Variants in IL1RAPL1 observed in about 807,000 individuals in gnomAD.
IL1RAPL1 encodes the protein interleukin-1 receptor accessory protein-like 1.
A neutral mutation model predicts 48.4 loss-of-function variants in IL1RAPL1; 3 were observed. The ratio of observed to expected loss-of-function variants is 0.06; its 90% CI spans 0.03 to 0.16. IL1RAPL1 has a LOEUF of 0.16. IL1RAPL1 is among the 10% of genes least tolerant of loss of function. The probability of loss-of-function intolerance (pLI) is 1.00; values close to 1 mark genes in which losing one functional copy is unlikely to be tolerated. For synonymous variants in IL1RAPL1, 185 were observed against 187.7 expected, an observed-to-expected ratio of 0.99 and a Z score of 0.12; for missense variants, 349 against 530.6, an observed-to-expected ratio of 0.66 and a Z score of 3.36.
At chrX:29,783,700 CA>C (rs1374538830) in intron 6 of IL1RAPL1, among the ~76,000 whole-genome samples, 1 of 111,766 alleles carries the variant, frequency 8.9e-6, no homozygotes, top group Non-Finnish European at 1.9e-5. Flanking sequence ...GTATTTGAAC[CA>C]AAAGTTATTT....
At chrX:28,881,019 T>C (rs1922489425) in intron 2 of IL1RAPL1, among the ~76,000 whole-genome samples, 1 of 111,639 alleles carries the variant, frequency 9.0e-6, no homozygotes, top group African/African-American at 3.3e-5. Context: ...TTTTACCTTT[T>C]CTGAAAATTA....
intron 6 of IL1RAPL1, among the ~76,000 whole-genome samples, chrX:29,717,507 G>T (rs1927517619): frequency 8.9e-6 from 1 of 112,177 alleles, no homozygotes; most frequent in Admixed American, 9.4e-5. Flanking sequence ...GCTGAAGAAA[G>T]AATAATTCTG....
At position 29,705,035 on chromosome X, in the gene IL1RAPL1, ACCCTATATAGCCT is replaced by A. The variant is rs1032470931; in HGVS notation, c.778+36534_778+36546del. Among the ~76,000 whole-genome samples the A allele has an allele frequency of 1.3e-4, 14 of 111,395 alleles. No homozygotes were observed. In the Admixed American group the frequency reaches 1.3e-3, roughly 11 times the overall value. On this transcript the variant is annotated intron_variant, in intron 6 of 10. Transcript: ENST00000378993. ...CCTTCAGCCAAATAGTGAGCATTGT[ACCCTATATAGCCT>A]CCACATATTAAATTCATCGTTCAAT...
intron 2 of IL1RAPL1, among the ~76,000 whole-genome samples, chrX:29,095,604 A>G (rs1313472395): frequency 9.0e-6 from 1 of 111,688 alleles, no homozygotes; most frequent in African/African-American, 3.3e-5. Context: ...TGGCAAGATT[A>G]TCTGTTCATT....
chrX:29,295,661 C>T (rs1282253820), intron 3 of IL1RAPL1, among the ~76,000 whole-genome samples: 1 of 111,331 alleles, frequency 9.0e-6, no homozygotes, highest in African/African-American at 3.3e-5. Flanking sequence ...AATTTCAGAG[C>T]GGATGTATTG....
At chrX:29,802,747 TTATATATA>T (rs1210417673) in intron 6 of IL1RAPL1, among the ~76,000 whole-genome samples, 52 of 36,258 alleles carry the variant, frequency 1.4e-3, no homozygotes, top group South Asian at 4.0e-3. Flanking sequence ...GAGGAAAAAA[TTATATATA>T]TATATATATA....
At chrX:29,365,432 A>G (rs1933438042) in intron 3 of IL1RAPL1, among the ~76,000 whole-genome samples, 3 of 113,001 alleles carry the variant, frequency 2.7e-5, no homozygotes, top group African/African-American at 9.6e-5. Flanking sequence ...ACATTGGCTC[A>G]CGCCTGTAAT....
intron 5 of IL1RAPL1, among the ~76,000 whole-genome samples, chrX:29,620,402 A>G (rs1924425062): frequency 9.0e-6 from 1 of 111,631 alleles, no homozygotes; most frequent in Admixed American, 9.5e-5. Context: ...CCTGCACGGC[A>G]TGTTACTGTA....
At chrX:29,346,389 A>G (rs761808556) in intron 3 of IL1RAPL1, among the ~76,000 whole-genome samples, 15 of 112,217 alleles carry the variant, frequency 1.3e-4, no homozygotes, top group Non-Finnish European at 2.3e-4. Flanking sequence ...CTGTGGAGGC[A>G]GGTAGAGTGG....
At chrX:29,914,540 C>CCA (rs1932782713) in intron 6 of IL1RAPL1, among the ~76,000 whole-genome samples, 1 of 111,444 alleles carries the variant, frequency 9.0e-6, no homozygotes, top group Non-Finnish European at 1.9e-5. Flanking sequence ...TTATAAAAGA[C>CCA]AGTATAAATT....
intron 3 of IL1RAPL1, among the ~76,000 whole-genome samples, chrX:29,315,297 G>A (rs945076847): frequency 8.1e-5 from 9 of 111,687 alleles, no homozygotes; most frequent in South Asian, 3.8e-4. Flanking sequence ...TATAACAAAC[G>A]GGATAATTCC....
intron 5 of IL1RAPL1, among the ~76,000 whole-genome samples, chrX:29,657,395 A>G (rs1383157671): frequency 2.7e-5 from 3 of 111,876 alleles, no homozygotes; most frequent in Admixed American, 9.5e-5. Context: ...AACCATGCCA[A>G]TGAGTAATCA....
intron 5 of IL1RAPL1, among the ~76,000 whole-genome samples, chrX:29,535,736 A>G (rs1388602361): frequency 8.9e-6 from 1 of 112,180 alleles, no homozygotes; most frequent in Non-Finnish European, 1.9e-5. Flanking sequence ...GAAGAAAATG[A>G]GTGATAGTAT....
chrX:28,901,644 G>T (rs2147326536), intron 2 of IL1RAPL1, among the ~76,000 whole-genome samples: 1 of 111,928 alleles, frequency 8.9e-6, no homozygotes, highest in South Asian at 3.7e-4. Flanking sequence ...CTAAGAGATG[G>T]CAGAAACTAA....
chrX:29,104,662 TGATA>T (rs756340636), intron 2 of IL1RAPL1, among the ~76,000 whole-genome samples: 3 of 111,362 alleles, frequency 2.7e-5, no homozygotes, highest in Non-Finnish European at 5.7e-5. Context: ...ATGCTTGAGG[TGATA>T]GATATCTCAT....
At chrX:28,928,121 C>G (rs1923793407) in intron 2 of IL1RAPL1, among the ~76,000 whole-genome samples, 1 of 110,694 alleles carries the variant, frequency 9.0e-6, no homozygotes, top group Admixed American at 9.7e-5. Flanking sequence ...CTGCTGAGCC[C>G]TCACTGATTA....
In IL1RAPL1 at chrX:29,081,020, C is replaced by CTCTCTCTCTCTTTCT. The variant is rs1555960745; in HGVS notation, c.83-201917_83-201916insCTCTCTCTCTTTCTT. On this transcript the variant is annotated intron_variant, in intron 2 of 10. Transcript: ENST00000378993. The stretch of plus-strand genomic sequence containing the variant: ...TCTCTCTCTCTCTCTCTCTCTCTCT[C>CTCTCTCTCTCTTTCT]TTTCTTTTCTTTTCTTTTCTTTTCT... 1.7e-3 allele frequency among the ~76,000 whole-genome samples: 73 copies of CTCTCTCTCTCTTTCT among 41,887 alleles called. 2 individuals are homozygous for CTCTCTCTCTCTTTCT. The highest frequency in any genetic ancestry group is 2.1e-3 in the Non-Finnish European group (48 of 22,705). 36.4% of individuals were successfully genotyped at this position (41,887 alleles called of 115,157 possible).
chrX:29,344,672 C>G (rs948122767), intron 3 of IL1RAPL1, among the ~76,000 whole-genome samples: 3 of 111,774 alleles, frequency 2.7e-5, no homozygotes, highest in African/African-American at 9.8e-5. Flanking sequence ...GAGTCTCGCT[C>G]TGTCACCCAG....
chrX:29,582,100 A>T, intron 5 of IL1RAPL1, among the ~76,000 whole-genome samples: 1 of 111,428 alleles, frequency 9.0e-6, no homozygotes, highest in Admixed American at 9.6e-5. Context: ...TTAGTGCAAG[A>T]CGAGGAAAGC....
Sources: gnomAD v4.1 joint callset for allele counts (sites outside exome capture counted in the v4.1 genomes callset) on GRCh38, gnomAD v4.1.1 for gene constraint, MANE v1.5 for transcripts, NCBI Gene and HGNC (gene_info 2026-07-23, HGNC 2026-07-21) for gene names.